The following PCSK2 variants were observed in gnomAD, a reference collection of about 807,000 sequenced individuals.
The protein encoded by PCSK2 is neuroendocrine convertase 2.
A neutral mutation model predicts 69.7 loss-of-function variants in PCSK2; 14 were observed. That is an observed-to-expected ratio of 0.20 (90% confidence interval 0.13 to 0.31). PCSK2 has a LOEUF of 0.31. Among genes scored for constraint, PCSK2 ranks in the 10% least tolerant of loss-of-function variants. The pLI is 1.00. For synonymous variants in PCSK2, 307 were observed against 320.7 expected (o/e 0.96, Z 0.46); for missense variants, 544 against 842.5 (o/e 0.65, Z 4.39).
intron 1 of PCSK2, among the ~76,000 whole-genome samples, chr20:17,248,254 G>A (rs982622847): frequency 3.3e-5 from 5 of 151,192 alleles, no homozygotes; most frequent in African/African-American, 1.2e-4. Flanking sequence ...CTAAATGCCC[G>A]CAGTATGAGA....
At position 17,335,378 on chromosome 20, in the gene PCSK2, G is replaced by A. The variant is rs73900254; in HGVS notation, c.283-22949G>A. Among the ~76,000 whole-genome samples, 901 of 150,926 alleles carry A rather than the reference G, an allele frequency of 6.0e-3. 14 individuals carry two copies. Among genetic ancestry groups the A allele is most frequent in the African/African-American group, 0.021 (871 of 40,954 alleles). On this transcript the variant is annotated intron_variant, in intron 2 of 11. Transcript: ENST00000262545. ...CTTGCCCTAGGCCAAAACACAAGAT[G>A]TCCTTTTCTGACGTATTCTTGTAAG...
intron 2 of PCSK2, among the ~76,000 whole-genome samples, chr20:17,318,259 G>A (rs796576595): frequency 5.9e-5 from 9 of 152,268 alleles, no homozygotes; most frequent in African/African-American, 1.9e-4. Context: ...TTGAACTTGT[G>A]TTCTAGTCTT....
chr20:17,388,466 T>C (rs2031292243), intron 5 of PCSK2, among the ~76,000 whole-genome samples: 1 of 152,104 alleles, frequency 6.6e-6, no homozygotes, highest in Non-Finnish European at 1.5e-5. Flanking sequence ...CACCCTGAAC[T>C]TCAGAGGTGC....
chr20:17,386,915 C>A (rs540190772), intron 5 of PCSK2, among the ~76,000 whole-genome samples: 3 of 152,164 alleles, frequency 2.0e-5, no homozygotes, highest in South Asian at 2.1e-4. Context: ...ACTTTTGAGA[C>A]CTTTGCACTA....
intron 8 of PCSK2, among the ~76,000 whole-genome samples, chr20:17,451,000 C>G (rs144221999): frequency 6.6e-6 from 1 of 152,260 alleles, no homozygotes; most frequent in Non-Finnish European, 1.5e-5. Context: ...GCCCCCAGAA[C>G]TAGAGAATTT....
At chr20:17,361,765 T>A (rs1043045875) in intron 4 of PCSK2, among the ~76,000 whole-genome samples, 1 of 152,180 alleles carries the variant, frequency 6.6e-6, no homozygotes, top group Non-Finnish European at 1.5e-5. Flanking sequence ...GTGAGACATT[T>A]TTAAGTGGAT....
At chr20:17,407,835 G>T (rs1479169085) in intron 5 of PCSK2, among the ~76,000 whole-genome samples, 1 of 152,146 alleles carries the variant, frequency 6.6e-6, no homozygotes. Context: ...TGGAATAAAG[G>T]ATCAACATGC....
intron 5 of PCSK2, among the ~76,000 whole-genome samples, chr20:17,389,823 G>A (rs982967099): frequency 6.6e-6 from 1 of 152,176 alleles, no homozygotes; most frequent in African/African-American, 2.4e-5. Context: ...TAGTGCAAAT[G>A]TCAAATGGTG....
intron 2 of PCSK2, among the ~76,000 whole-genome samples, chr20:17,329,856 T>C (rs1260246261): frequency 1.3e-5 from 2 of 152,178 alleles, no homozygotes; most frequent in East Asian, 3.9e-4. Context: ...TCTCCCTCTA[T>C]ATCGAGCCCC....
At chr20:17,285,509 T>A (rs1003623541) in intron 2 of PCSK2, among the ~76,000 whole-genome samples, 5 of 152,232 alleles carry the variant, frequency 3.3e-5, no homozygotes, top group Non-Finnish European at 7.3e-5. Context: ...TTTAGTCTGG[T>A]CTGTTGAAGT....
chr20:17,399,251 G>A (rs897596392), intron 5 of PCSK2, among the ~76,000 whole-genome samples: 8 of 152,112 alleles, frequency 5.3e-5, no homozygotes, highest in Non-Finnish European at 7.4e-5. Context: ...GCCTGACTTT[G>A]TTAATAACTG....
chr20:17,254,054 T>G (rs1987089240), intron 1 of PCSK2, among the ~76,000 whole-genome samples: 1 of 152,234 alleles, frequency 6.6e-6, no homozygotes, highest in African/African-American at 2.4e-5. Context: ...CATTTTTAAT[T>G]GGATTTCTTG....
At chr20:17,331,653 C>T (rs1420781350) in intron 2 of PCSK2, among the ~76,000 whole-genome samples, 2 of 152,138 alleles carry the variant, frequency 1.3e-5, no homozygotes, top group East Asian at 3.9e-4. Context: ...TAAATGATCT[C>T]TCTACTGTGA....
intron 3 of PCSK2, among the ~76,000 whole-genome samples, chr20:17,360,071 T>C (rs1600520428): frequency 6.6e-6 from 1 of 152,318 alleles, no homozygotes; most frequent in Admixed American, 6.5e-5. Context: ...CTAGGACATG[T>C]CATCTCCTGC....
At chr20:17,319,591 A>G (rs530434737) in intron 2 of PCSK2, among the ~76,000 whole-genome samples, 38 of 152,278 alleles carry the variant, frequency 2.5e-4, no homozygotes, top group Admixed American at 8.5e-4. Context: ...ATCTGCTTAT[A>G]GCATGTTTAC....
At chr20:17,346,125 C>T (rs1261842036) in intron 2 of PCSK2, among the ~76,000 whole-genome samples, 1 of 152,216 alleles carries the variant, frequency 6.6e-6, no homozygotes, top group Non-Finnish European at 1.5e-5. Context: ...CAGCATCCTC[C>T]TTCTGGTTCA....
chr20:17,388,011 G>C (rs2031281544), intron 5 of PCSK2, among the ~76,000 whole-genome samples: 1 of 152,124 alleles, frequency 6.6e-6, no homozygotes, highest in Non-Finnish European at 1.5e-5. Flanking sequence ...TTAAGAATGA[G>C]GAGGAGTTAG....
chr20:17,379,605 A>G (rs960963118), intron 5 of PCSK2, among the ~76,000 whole-genome samples: 2 of 152,238 alleles, frequency 1.3e-5, no homozygotes, highest in African/African-American at 2.4e-5. Context: ...ACTTGATGGT[A>G]GGCAGAATTG....
chr20:17,436,604 C>T, intron 7 of PCSK2, 104 bp from the exon 8 acceptor site: 1 of 961,902 alleles, frequency 1.0e-6, no homozygotes, highest in East Asian at 2.4e-5. Context: ...CACCTGAGAT[C>T]TCCAACCATT....
Sources: allele counts gnomAD v4.1 joint callset (sites outside exome capture counted in the v4.1 genomes callset), GRCh38; gene constraint gnomAD v4.1.1; transcripts MANE v1.5; gene names NCBI Gene and HGNC (gene_info 2026-07-23, HGNC 2026-07-21).